PODXL: variants seen among roughly 807,000 people sequenced by gnomAD.
PODXL encodes podocalyxin.
Under a neutral mutation model 48.9 loss-of-function variants are expected in PODXL, and 20 were observed. The observed-to-expected ratio is 0.41, with a 90% confidence interval of 0.29 to 0.59. The LOEUF is 0.59. Ranked by LOEUF, PODXL falls within the 20% of genes least tolerant of loss-of-function variation. The pLI, the probability that PODXL is intolerant of heterozygous loss-of-function variation, is 0.31. For synonymous variants in PODXL, 295 were observed against 287.4 expected (o/e 1.03, Z -0.27); for missense variants, 606 against 675.1 (o/e 0.90, Z 1.13).
chr7:131,501,579 C>G lies in PODXL; in HGVS notation c.*2732G>C, dbSNP rs966880509. 3 of 152,240 alleles carry G rather than the reference C, an allele frequency of 2.0e-5. No individual in the cohort carries two copies. Among genetic ancestry groups the G allele is most frequent in the Admixed American group, 2.0e-4 (3 of 15,290 alleles). The allele number at this position is 152,240 out of a possible 1,614,324, so 9.4% of individuals were successfully genotyped here. The stretch of plus-strand genomic sequence containing the variant: ...GCTTTGCTGCCTGTCTCCCCACTCT[C>G]ATGACAGTAGGCTTCCTAGTCATCA... On this transcript the variant is annotated 3_prime_UTR_variant, in exon 9 of 9. Coordinates refer to ENST00000378555, the MANE Select transcript of PODXL (RefSeq NM_001018111.3).
chr7:131,543,957 C>T, intron 1 of PODXL, among the ~76,000 whole-genome samples: 1 of 152,172 alleles, frequency 6.6e-6, no homozygotes, highest in East Asian at 1.9e-4. Flanking sequence ...CCCATCAGTC[C>T]CATGATGCCA....
At chr7:131,534,830 G>A (rs181299885) in intron 1 of PODXL, among the ~76,000 whole-genome samples, 6 of 152,242 alleles carry the variant, frequency 3.9e-5, no homozygotes, top group Middle Eastern at 3.4e-3. Flanking sequence ...TGGGCAGATC[G>A]CTTGAGCTCA....
In PODXL at chr7:131,502,001, G is replaced by A. The variant is rs1221823075; in HGVS notation, c.*2310C>T. ...AGCGATGGAGAGTCAGGAGAGTCAG[G>A]ACCGACCTGGCCAGGCACTCCTGCT... is the stretch of plus-strand genomic sequence containing the variant. On this transcript the variant is annotated 3_prime_UTR_variant, in exon 9 of 9. Coordinates refer to ENST00000378555, the MANE Select transcript of PODXL (RefSeq NM_001018111.3). 1 of 152,168 alleles carries A rather than the reference G, an allele frequency of 6.6e-6. No individual in the cohort carries two copies. Among genetic ancestry groups the A allele is most frequent in the African/African-American group, 2.4e-5 (1 of 41,410 alleles). 9.4% of individuals were successfully genotyped at this position (152,168 alleles called of 1,614,324 possible). A position where few individuals can be genotyped will look rare whatever the true frequency, so the allele number is the denominator to read the frequency against.
intron 1 of PODXL, 107 bp downstream of exon 1, chr7:131,556,153 T>G: frequency 3.8e-6 from 5 of 1,317,894 alleles, no homozygotes; most frequent in Non-Finnish European, 4.8e-6. Context: ...GTGATAGGGC[T>G]GCTCGGGGTC....
At chr7:131,522,038 T>A (rs1584817027) in intron 1 of PODXL, among the ~76,000 whole-genome samples, 1 of 152,224 alleles carries the variant, frequency 6.6e-6, no homozygotes, top group Admixed American at 6.5e-5. Context: ...GAGGCAGGAA[T>A]GCCAGTGAAG....
At chr7:131,516,725 C>CT (rs1192943739) in intron 1 of PODXL, among the ~76,000 whole-genome samples, 7 of 107,510 alleles carry the variant, frequency 6.5e-5, no homozygotes, top group Admixed American at 1.3e-4. Context: ...GACTGTGGTG[C>CT]TTTTTTTTCT....
At chr7:131,524,579 C>T (rs1053968478) in intron 1 of PODXL, among the ~76,000 whole-genome samples, 1 of 152,118 alleles carries the variant, frequency 6.6e-6, no homozygotes, top group Non-Finnish European at 1.5e-5. Flanking sequence ...CCATTACATA[C>T]CTATTGGAAT....
chr7:131,533,253 C>T (rs775396753), intron 1 of PODXL, among the ~76,000 whole-genome samples: 6 of 152,312 alleles, frequency 3.9e-5, no homozygotes, highest in Non-Finnish European at 8.8e-5. Context: ...CTCTGTGGTC[C>T]CCAGGACCCT....
Position 131,504,282 on chromosome 7 carries a change from G to C in PODXL, c.*29C>G. On this transcript the variant is annotated 3_prime_UTR_variant, in exon 9 of 9. Transcript: ENST00000378555. ...GGGGTGGTTGGTCTGGAGCTCTGTG[G>C]TGCTGCTGGAGGCCACCGGCAGACC... 1 of 1,599,844 alleles carries C rather than the reference G, an allele frequency of 6.3e-7. No homozygotes were observed. Among genetic ancestry groups the C allele is most frequent in the East Asian group, 2.2e-5 (1 of 44,762 alleles).
intron 1 of PODXL, among the ~76,000 whole-genome samples, chr7:131,537,237 A>C (rs576455226): frequency 1.5e-4 from 23 of 150,762 alleles, no homozygotes; most frequent in Non-Finnish European, 7.4e-5. Context: ...GCGTGAGCCC[A>C]GGAGGTCGAG....
rs760336723 is a variant in PODXL, at chr7:131,506,292, G to A, written c.1279C>T (p.Arg427Trp). The part of the protein sequence containing the change: ...TKLPAKDVYE[R>W]LKDKWDELKE... ...AGTTCATCCCATTTGTCCTTCAGCC[G>A]CTCGTACACATCCTTGGCAGGGAGC... Residue 427 changes from arginine to tryptophan, a missense_variant, in exon 7 of 9, where the codon CGG (arginine) becomes TGG (tryptophan). Coordinates refer to ENST00000378555, the MANE Select transcript of PODXL (RefSeq NM_001018111.3). The A allele has an allele frequency of 2.2e-5, 36 of 1,614,070 alleles. No homozygotes were observed. The highest frequency in any genetic ancestry group is 1.3e-4 in the African/African-American group (10 of 74,934).
chr7:131,543,932 A>G (rs73157543), intron 1 of PODXL, among the ~76,000 whole-genome samples: 1 of 152,276 alleles, frequency 6.6e-6, no homozygotes, highest in Non-Finnish European at 1.5e-5. Context: ...CCCTCTGCAT[A>G]TGCAGCCACA....
rs368792682 is a variant in PODXL, at chr7:131,504,107, G to T, written c.*204C>A. ...CCAGCAGCACTGAGCTCAGGCACTA[G>T]TGGGTTATTTTACAAGAGGAATCTG... On this transcript the variant is annotated 3_prime_UTR_variant, in exon 9 of 9. Coordinates refer to ENST00000378555, the MANE Select transcript of PODXL (RefSeq NM_001018111.3). 3.2e-5 allele frequency: 19 copies of T among 592,060 alleles called. No individual in the cohort carries two copies. The East Asian group carries it at 5.1e-4, about 16-fold the overall frequency. The allele number at this position is 592,060 out of a possible 1,614,324, so 36.7% of individuals were successfully genotyped here.
At chr7:131,529,896 C>T (rs572603423) in intron 1 of PODXL, among the ~76,000 whole-genome samples, 133 of 151,274 alleles carry the variant, frequency 8.8e-4, no homozygotes, top group Non-Finnish European at 1.2e-3. Flanking sequence ...ACAGCAGAGC[C>T]ATCCTAGCCA....
intron 1 of PODXL, among the ~76,000 whole-genome samples, chr7:131,539,060 G>A (rs200788250): frequency 1.3e-5 from 2 of 152,168 alleles, no homozygotes; most frequent in African/African-American, 2.4e-5. Flanking sequence ...GGATGCCTTC[G>A]CTAACCTCGC....
chr7:131,529,935 C>G, intron 1 of PODXL, among the ~76,000 whole-genome samples: 2 of 32,244 alleles, frequency 6.2e-5, no homozygotes, highest in Non-Finnish European at 4.1e-4. Context: ...CGCTGGGCCT[C>G]CCTAGGGGTA....
rs1474606045 is a variant in PODXL at position 131,509,335 on chromosome 7, T to C, written c.1023+30A>G. ...GCCTCTTCTACCCGAGTCTGGGTTC[T>C]CCTACTTGCCCCACCCCTGCTGGAG... On this transcript the variant is annotated intron_variant, in intron 4 of 8. Transcript: ENST00000378555. 2.6e-6 allele frequency: 4 copies of C among 1,545,860 alleles called. No individual in the cohort carries two copies. In the East Asian group the frequency reaches 6.7e-5, roughly 26 times the overall value.
intron 1 of PODXL, among the ~76,000 whole-genome samples, chr7:131,539,316 C>T (rs1355027654): frequency 6.6e-6 from 1 of 152,142 alleles, no homozygotes; most frequent in African/African-American, 2.4e-5. Context: ...ACAAAATGAA[C>T]ATATTTTTTA....
At chr7:131,555,687 T>A (rs1798730912) in intron 1 of PODXL, among the ~76,000 whole-genome samples, 1 of 152,188 alleles carries the variant, frequency 6.6e-6, no homozygotes, top group South Asian at 2.1e-4. Context: ...CTTACGACTC[T>A]GTACCTGCCC....
Sources: gnomAD v4.1 joint callset for allele counts (sites outside exome capture counted in the v4.1 genomes callset) on GRCh38, gnomAD v4.1.1 for gene constraint, MANE v1.5 for transcripts, NCBI Gene and HGNC (gene_info 2026-07-23, HGNC 2026-07-21) for gene names.